Variants in FRMPD4 observed in about 807,000 individuals in gnomAD.
The protein encoded by FRMPD4 is FERM and PDZ domain containing 4, also known as FERM and PDZ domain-containing protein 4.
A neutral mutation model predicts 94.1 loss-of-function variants in FRMPD4; 22 were observed. The ratio of observed to expected loss-of-function variants is 0.23; its 90% CI spans 0.17 to 0.33. The LOEUF (loss-of-function observed/expected upper bound fraction) is 0.33. Among genes scored for constraint, FRMPD4 ranks in the 10% least tolerant of loss-of-function variants. The pLI, the probability that FRMPD4 is intolerant of heterozygous loss-of-function variation, is 1.00. For synonymous variants in FRMPD4, 631 were observed against 548.6 expected (o/e 1.15, Z -2.10); for missense variants, 1,111 against 1,339.9 (o/e 0.83, Z 2.67).
chrX:12,127,671 A>G (rs780467959), intron 3 of FRMPD4, among the ~76,000 whole-genome samples: 1 of 112,242 alleles, frequency 8.9e-6, no homozygotes, highest in South Asian at 3.8e-4. Flanking sequence ...CCAATGTCTT[A>G]GCCCATTCCA....
chrX:12,019,759 C>A lies in FRMPD4; in HGVS notation c.95+141741C>A, dbSNP rs760598176. Among the ~76,000 whole-genome samples the A allele has an allele frequency of 1.5e-3, 162 of 110,911 alleles. 1 individual carries two copies. The highest frequency in any genetic ancestry group is 1.9e-3 in the Non-Finnish European group (103 of 52,960). On this transcript the variant is annotated intron_variant, in intron 3 of 18. Transcript: ENST00000640291. ...AAATATCCAGGCTCTACCCATCTATCAAGGCCAAGTTCAAATGATACCTGC... is the reference window on the plus strand; with the variant it reads ...AAATATCCAGGCTCTACCCATCTATAAAGGCCAAGTTCAAATGATACCTGC...
chrX:12,231,599 G>A (rs1027208931), intron 1 of FRMPD4, among the ~76,000 whole-genome samples: 1 of 111,142 alleles, frequency 9.0e-6, no homozygotes, highest in African/African-American at 3.3e-5. Context: ...GACTCACTTC[G>A]AGGAACTTTA....
At chrX:12,628,769 T>A (rs1050902404) in intron 4 of FRMPD4, among the ~76,000 whole-genome samples, 1 of 112,812 alleles carries the variant, frequency 8.9e-6, no homozygotes, top group African/African-American at 3.2e-5. Context: ...ATCCCCATTC[T>A]GGGGAGGACT....
chrX:12,587,594 G>T (rs1007843965), intron 2 of FRMPD4, among the ~76,000 whole-genome samples: 1 of 110,482 alleles, frequency 9.1e-6, no homozygotes, highest in African/African-American at 3.3e-5. Flanking sequence ...TCATGTTGTA[G>T]TATGTATCAG....
intron 2 of FRMPD4, among the ~76,000 whole-genome samples, chrX:12,561,366 T>G (rs2058658464): frequency 8.9e-6 from 1 of 112,360 alleles, no homozygotes; most frequent in African/African-American, 3.2e-5. Flanking sequence ...ATTACAAACT[T>G]CAAAATCTTA....
intron 1 of FRMPD4, among the ~76,000 whole-genome samples, chrX:12,445,636 G>C (rs917830801): frequency 8.9e-6 from 1 of 112,315 alleles, no homozygotes; most frequent in Non-Finnish European, 1.9e-5. Context: ...ATTCAAAAGA[G>C]GTTAAGTAAT....
chrX:12,078,801 C>G (rs1380378871), intron 3 of FRMPD4, among the ~76,000 whole-genome samples: 1 of 111,562 alleles, frequency 9.0e-6, no homozygotes, highest in Non-Finnish European at 1.9e-5. Context: ...ACACCACATA[C>G]CAGTAGCACT....
At chrX:11,855,936 A>T (rs1484674304) in intron 1 of FRMPD4, among the ~76,000 whole-genome samples, 1 of 111,902 alleles carries the variant, frequency 8.9e-6, no homozygotes, top group African/African-American at 3.3e-5. Flanking sequence ...AATTAACTGT[A>T]TTAGTCTGTT....
chrX:12,667,784 A>G (rs2059795301), intron 4 of FRMPD4, among the ~76,000 whole-genome samples: 1 of 112,365 alleles, frequency 8.9e-6, no homozygotes, highest in Non-Finnish European at 1.9e-5. Context: ...TCAAAAAAGG[A>G]TAAGAATAAA....
chrX:12,315,782 C>A (rs770353912), intron 1 of FRMPD4, among the ~76,000 whole-genome samples: 57 of 111,711 alleles, frequency 5.1e-4, no homozygotes, highest in African/African-American at 1.7e-3. Context: ...CTGTGGAGGA[C>A]CTAAATCTAA....
At chrX:12,008,571 A>G (rs1283426601) in intron 3 of FRMPD4, among the ~76,000 whole-genome samples, 2 of 112,832 alleles carry the variant, frequency 1.8e-5, no homozygotes, top group Non-Finnish European at 3.7e-5. Flanking sequence ...AAACAAATAC[A>G]CAGATAAGTT....
At chrX:11,830,985 TA>T (rs1288063214) in intron 1 of FRMPD4, among the ~76,000 whole-genome samples, 1 of 110,978 alleles carries the variant, frequency 9.0e-6, no homozygotes, top group Non-Finnish European at 1.9e-5. Flanking sequence ...GGAAGTAGGT[TA>T]ATTCTTCATC....
At chrX:12,361,430 A>G (rs907697348) in intron 1 of FRMPD4, among the ~76,000 whole-genome samples, 1 of 112,172 alleles carries the variant, frequency 8.9e-6, no homozygotes, top group Non-Finnish European at 1.9e-5. Context: ...CTCTGTGATA[A>G]TTTAGAAACC....
At chrX:12,659,990 TAAAG>T (rs1341123125) in intron 4 of FRMPD4, among the ~76,000 whole-genome samples, 3 of 112,085 alleles carry the variant, frequency 2.7e-5, no homozygotes, top group African/African-American at 9.7e-5. Context: ...TACAATAAAA[TAAAG>T]AGTTTGAAAT....
In FRMPD4 at chrX:12,278,049, A is replaced by T. The variant is rs763547406; in HGVS notation, c.41+139037A>T. 4.4e-5 allele frequency among the ~76,000 whole-genome samples: 5 copies of T among 112,866 alleles called. No individual in the cohort carries two copies. The South Asian group carries it at 1.8e-3, about 41-fold the overall frequency. On this transcript the variant is annotated intron_variant, in intron 1 of 16. Transcript: ENST00000675598. ...TCCCAAATTCAGACCTCTGTGTGAA[A>T]CACAGATCCTCATTTTTTATTCTCT...
chrX:12,417,766 T>G (rs1420515947), intron 1 of FRMPD4, among the ~76,000 whole-genome samples: 2 of 108,096 alleles, frequency 1.9e-5, no homozygotes, highest in Non-Finnish European at 3.8e-5. Context: ...TCCCAGCACT[T>G]TGGGAGGCCG....
intron 3 of FRMPD4, among the ~76,000 whole-genome samples, chrX:11,929,169 G>C (rs1266237132): frequency 8.9e-6 from 1 of 111,858 alleles, no homozygotes; most frequent in African/African-American, 3.3e-5. Flanking sequence ...CTTAATACCT[G>C]GGTGATGGAA....
intron 1 of FRMPD4, among the ~76,000 whole-genome samples, chrX:12,440,788 A>G (rs2057126823): frequency 9.1e-6 from 1 of 110,436 alleles, no homozygotes; most frequent in Non-Finnish European, 1.9e-5. Flanking sequence ...ATAGTGCCCT[A>G]TAAACTTACT....
chrX:12,555,320 G>T (rs1441231492), intron 2 of FRMPD4, among the ~76,000 whole-genome samples: 2 of 111,197 alleles, frequency 1.8e-5, no homozygotes, highest in African/African-American at 6.5e-5. Context: ...TCCAAAGGTT[G>T]TTTTTCTCCT....
Sources: allele counts gnomAD v4.1 joint callset (sites outside exome capture counted in the v4.1 genomes callset), GRCh38; gene constraint gnomAD v4.1.1; transcripts MANE v1.5; gene names NCBI Gene and HGNC (gene_info 2026-07-23, HGNC 2026-07-21).